The following PLEKHG1 variants were observed in gnomAD, a reference collection of about 807,000 sequenced individuals.
PLEKHG1 encodes pleckstrin homology and RhoGEF domain containing G1.
A neutral mutation model predicts 100.8 loss-of-function variants in PLEKHG1; 44 were observed. That is an observed-to-expected ratio of 0.44 (90% CI 0.34 to 0.56). The LOEUF is 0.56. Ranked by LOEUF, PLEKHG1 falls within the 20% of genes least tolerant of loss-of-function variation. The pLI is 0.01. For synonymous variants in PLEKHG1, 640 were observed against 662.5 expected (o/e 0.97, Z 0.52); for missense variants, 1,545 against 1,720.9 (o/e 0.90, Z 1.81).
chr6:150,782,024 C>T (rs974975016), intron 3 of PLEKHG1, among the ~76,000 whole-genome samples: 6 of 152,160 alleles, frequency 3.9e-5, no homozygotes, highest in East Asian at 1.9e-4. Context: ...GTGATCCACC[C>T]GCCTTGGCCT....
chr6:150,776,358 C>A (rs964396670), intron 3 of PLEKHG1, among the ~76,000 whole-genome samples: 4 of 152,396 alleles, frequency 2.6e-5, no homozygotes, highest in Non-Finnish European at 5.9e-5. Context: ...TGTACATGTG[C>A]GGTTGCACAT....
intron 2 of PLEKHG1, among the ~76,000 whole-genome samples, chr6:150,755,712 A>G (rs1489940781): frequency 2.0e-5 from 3 of 152,162 alleles, no homozygotes; most frequent in African/African-American, 7.2e-5. Flanking sequence ...CTAGACCCAG[A>G]CTGCCTGACC....
chr6:150,771,612 C>T (rs939052390), intron 3 of PLEKHG1, among the ~76,000 whole-genome samples: 2 of 151,624 alleles, frequency 1.3e-5, no homozygotes, highest in Non-Finnish European at 2.9e-5. Context: ...GTGGCGCAGT[C>T]TCGGCTCATT....
intron 13 of PLEKHG1, among the ~76,000 whole-genome samples, chr6:150,823,070 G>C (rs965879248): frequency 4.6e-5 from 7 of 152,208 alleles, no homozygotes; most frequent in African/African-American, 7.2e-5. Context: ...GCTGTTAACT[G>C]TTGTTTCCTC....
At chr6:150,762,812 A>G (rs912724253) in intron 2 of PLEKHG1, among the ~76,000 whole-genome samples, 2 of 152,162 alleles carry the variant, frequency 1.3e-5, no homozygotes, top group Admixed American at 6.5e-5. Context: ...TGATACTTTT[A>G]TCTATAGGCT....
At chr6:150,670,873 C>T (rs537499832) in intron 3 of PLEKHG1, among the ~76,000 whole-genome samples, 11 of 150,832 alleles carry the variant, frequency 7.3e-5, no homozygotes, top group Admixed American at 1.3e-4. Context: ...TCCCTTGCCC[C>T]CCCCTCCCAT....
chr6:150,664,767 G>A (rs909481643), intron 3 of PLEKHG1, among the ~76,000 whole-genome samples: 5 of 152,144 alleles, frequency 3.3e-5, no homozygotes, highest in African/African-American at 1.2e-4. Flanking sequence ...AGCCCGCCCT[G>A]GGCCAACTGG....
At chr6:150,815,828 TAA>T (rs1308796838) in intron 10 of PLEKHG1, among the ~76,000 whole-genome samples, 1 of 152,182 alleles carries the variant, frequency 6.6e-6, no homozygotes, top group Non-Finnish European at 1.5e-5. Context: ...ATACTACCCT[TAA>T]AAAATGAAAA....
chr6:150,827,552 A>C, intron 14 of PLEKHG1: 1 of 612,440 alleles, frequency 1.6e-6, no homozygotes. Context: ...CTGGGATTAC[A>C]GGCGTGAGCC....
At position 150,809,751 on chromosome 6, in the gene PLEKHG1, T is replaced by TG; in HGVS notation, c.1278+18dup. On this transcript the variant is annotated intron_variant, in intron 10 of 15. Coordinates refer to ENST00000358517, the Ensembl canonical transcript of PLEKHG1. ...CCAGCTAAGGTAGGACACTGAATAATGCACAGTGAAATGGGAGAGAGATAC... is the reference window on the plus strand; with the variant it reads ...CCAGCTAAGGTAGGACACTGAATAATGGCACAGTGAAATGGGAGAGAGATAC... 1 of 1,578,452 alleles carries TG rather than the reference T, an allele frequency of 6.3e-7. No homozygotes were observed. The highest frequency in any genetic ancestry group is 1.1e-5 in the South Asian group (1 of 89,866).
chr6:150,791,962 TTGAG>T (rs2128656548), intron 4 of PLEKHG1, among the ~76,000 whole-genome samples: 1 of 150,400 alleles, frequency 6.6e-6, no homozygotes, highest in East Asian at 1.9e-4. Context: ...TCTGAAATTA[TTGAG>T]TGTGTTGCAA....
intron 1 of PLEKHG1, among the ~76,000 whole-genome samples, chr6:150,602,185 T>G (rs1776384746): frequency 6.6e-6 from 1 of 152,212 alleles, no homozygotes; most frequent in South Asian, 2.1e-4. Context: ...CCAAAAGCAA[T>G]TCCTGAAGCT....
intron 2 of PLEKHG1, among the ~76,000 whole-genome samples, chr6:150,641,446 G>A (rs1778254303): frequency 6.6e-6 from 1 of 152,208 alleles, no homozygotes; most frequent in Non-Finnish European, 1.5e-5. Flanking sequence ...TGTTAGATAT[G>A]CTAATGAAGG....
At chr6:150,742,328 A>G (rs1379560159) in intron 2 of PLEKHG1, among the ~76,000 whole-genome samples, 1 of 152,090 alleles carries the variant, frequency 6.6e-6, no homozygotes, top group African/African-American at 2.4e-5. Context: ...GCACTCGGGG[A>G]GGCCGAGGTG....
At chr6:150,696,635 C>T (rs1405306543) in intron 3 of PLEKHG1, among the ~76,000 whole-genome samples, 1 of 151,984 alleles carries the variant, frequency 6.6e-6, no homozygotes, top group Non-Finnish European at 1.5e-5. Flanking sequence ...CTTCAACCAA[C>T]CAGAAGTTGG....
chr6:150,605,605 A>T (rs1776570686), intron 1 of PLEKHG1: 1 of 152,238 alleles, frequency 6.6e-6, no homozygotes, highest in South Asian at 2.1e-4. Flanking sequence ...GTGATCGGTA[A>T]GGTGGTGGAG....
intron 2 of PLEKHG1, among the ~76,000 whole-genome samples, chr6:150,649,595 G>A (rs1015378275): frequency 6.6e-6 from 1 of 152,230 alleles, no homozygotes; most frequent in Non-Finnish European, 1.5e-5. Flanking sequence ...ACAGTGACCA[G>A]GCTGGACGCG....
At chr6:150,670,140 A>C (rs1309192568) in intron 3 of PLEKHG1, among the ~76,000 whole-genome samples, 1 of 152,218 alleles carries the variant, frequency 6.6e-6, no homozygotes, top group African/African-American at 2.4e-5. Flanking sequence ...TAGAAGAAAA[A>C]TATTGATTAT....
intron 2 of PLEKHG1, among the ~76,000 whole-genome samples, chr6:150,747,740 C>T (rs1783239186): frequency 6.6e-6 from 1 of 151,638 alleles, no homozygotes; most frequent in Non-Finnish European, 1.5e-5. Context: ...ACTAATAATA[C>T]AAAAAATTAG....
Sources: allele counts gnomAD v4.1 joint callset (sites outside exome capture counted in the v4.1 genomes callset), GRCh38; gene constraint gnomAD v4.1.1; transcripts MANE v1.5; gene names NCBI Gene and HGNC (gene_info 2026-07-23, HGNC 2026-07-21).